Variants in DTX4 observed in about 807,000 individuals in gnomAD.
DTX4 encodes deltex E3 ubiquitin ligase 4, also known as E3 ubiquitin-protein ligase DTX4.
In DTX4, 28 loss-of-function variants were observed where a neutral mutation model predicts 57.6. The observed-to-expected ratio is 0.49, with a 90% CI of 0.36 to 0.67. The LOEUF (loss-of-function observed/expected upper bound fraction) is 0.67, where lower values mean the gene tolerates loss of function less well. DTX4 is among the 30% of genes least tolerant of loss of function. The pLI, the probability that DTX4 is intolerant of heterozygous loss-of-function variation, is 0.00. For missense variants in DTX4, 715 were observed against 836.8 expected (o/e 0.85, Z 1.80); for synonymous variants, 316 against 331.0 (o/e 0.95, Z 0.49).
rs1339517480 is a variant in DTX4 at position 59,172,700 on chromosome 11, C to T, written c.105C>T (p.Arg35=). Residue 35 remains arginine (R), a synonymous_variant, in exon 1 of 9, where the codon CGC becomes CGT. Coordinates refer to ENST00000227451, the MANE Select transcript of DTX4 (RefSeq NM_015177.2). ...AVSHHIEAVV[R]AGPRAGGSVV... Reference sequence around the variant, plus strand: ...GCCACCACATCGAGGCGGTGGTCCGCGCCGGCCCCCGCGCGGGGGGCAGCG... The same window carrying T: ...GCCACCACATCGAGGCGGTGGTCCGTGCCGGCCCCCGCGCGGGGGGCAGCG... 2 of 1,600,984 alleles carry T rather than the reference C, an allele frequency of 1.2e-6. No individual in the cohort carries two copies. Among genetic ancestry groups the T allele is most frequent in the African/African-American group, 2.7e-5 (2 of 74,518 alleles).
In DTX4 at chr11:59,172,179, G is replaced by C. The variant is rs1343717338; in HGVS notation, c.-417G>C. Among the ~76,000 whole-genome samples the C allele has an allele frequency of 6.6e-6, 1 of 152,246 alleles. No individual in the cohort carries two copies. The highest frequency in any genetic ancestry group is 3.4e-3 in the Middle Eastern group (1 of 292). ...GAGATCCCACCCCGGCGTCTGCAGA[G>C]GCCGAGGCGCAACTGGTGCGAGGGC... On this transcript the variant is annotated 5_prime_UTR_variant, in exon 1 of 9. Transcript: ENST00000227451.
At chr11:59,173,447 G>A (rs778621614) in intron 1 of DTX4, among the ~76,000 whole-genome samples, 12 of 152,228 alleles carry the variant, frequency 7.9e-5, no homozygotes, top group Admixed American at 5.9e-4. Flanking sequence ...CCGCGGCATT[G>A]GCGAATGCCT....
At chr11:59,175,765 C>A (rs1191390507) in intron 1 of DTX4, among the ~76,000 whole-genome samples, 1 of 152,120 alleles carries the variant, frequency 6.6e-6, no homozygotes, top group Non-Finnish European at 1.5e-5. Flanking sequence ...CTGACCCTAC[C>A]AACTCCAGGT....
At chr11:59,199,015 G>A (rs1420963977) in intron 7 of DTX4, among the ~76,000 whole-genome samples, 2 of 152,170 alleles carry the variant, frequency 1.3e-5, no homozygotes, top group African/African-American at 2.4e-5. Context: ...GTATTGGGTG[G>A]CAATAGTTGA....
intron 3 of DTX4, 133 bp from the exon 4 acceptor site, chr11:59,189,029 G>A (rs922719880): frequency 7.0e-6 from 8 of 1,141,544 alleles, no homozygotes; most frequent in Middle Eastern, 2.7e-4. Context: ...GGAAAGTACA[G>A]GGTAGAGAAT....
chr11:59,197,949 G>A (rs1054357983), intron 7 of DTX4, among the ~76,000 whole-genome samples: 14 of 152,162 alleles, frequency 9.2e-5, no homozygotes, highest in Admixed American at 3.9e-4. Context: ...CTGCCTTGAC[G>A]GGTACCACGG....
chr11:59,187,462 C>G (rs575076635), intron 2 of DTX4, among the ~76,000 whole-genome samples: 1 of 152,354 alleles, frequency 6.6e-6, no homozygotes, highest in East Asian at 1.9e-4. Flanking sequence ...GAAGAAGGGC[C>G]ATGAGCCATG....
intron 2 of DTX4, among the ~76,000 whole-genome samples, chr11:59,186,090 A>AC (rs1411875192): frequency 6.7e-6 from 1 of 149,604 alleles, no homozygotes; most frequent in Non-Finnish European, 1.5e-5. Flanking sequence ...TTCTCCCCAG[A>AC]CCCCTCCTTC....
intron 7 of DTX4, among the ~76,000 whole-genome samples, chr11:59,197,393 A>C (rs1347972102): frequency 3.3e-5 from 5 of 152,092 alleles, no homozygotes; most frequent in Non-Finnish European, 2.9e-5. Flanking sequence ...GAAGGGTTTA[A>C]TTTGGGGCTC....
intron 1 of DTX4, among the ~76,000 whole-genome samples, chr11:59,181,008 C>G (rs1862455890): frequency 6.6e-6 from 1 of 151,700 alleles, no homozygotes; most frequent in Non-Finnish European, 1.5e-5. Context: ...ACCTGATTTC[C>G]CTTCTTCTCA....
At position 59,206,750 on chromosome 11, in the gene DTX4, G is replaced by A. The variant is rs1862816251; in HGVS notation, c.*1841G>A. On this transcript the variant is annotated 3_prime_UTR_variant, in exon 9 of 9. Transcript: ENST00000227451. ...CACCTGCCTGTCACCCAGTTCTGTGGATGTGCTGGTGCTGAGCCTTTGCTC... is the reference window on the plus strand; with the variant it reads ...CACCTGCCTGTCACCCAGTTCTGTGAATGTGCTGGTGCTGAGCCTTTGCTC... The A allele has an allele frequency of 6.6e-6, 1 of 152,586 alleles. No homozygotes were observed. Among genetic ancestry groups the A allele is most frequent in the South Asian group, 2.1e-4 (1 of 4,828 alleles). The allele number at this position is 152,586 out of a possible 1,614,324, so 9.5% of individuals were successfully genotyped here.
At chr11:59,189,084 T>G (rs1486875548) in intron 3 of DTX4, 78 bp from the exon 4 acceptor site, 2 of 1,542,686 alleles carry the variant, frequency 1.3e-6, no homozygotes, top group Non-Finnish European at 1.8e-6. Context: ...GAGAGTAGGT[T>G]AATGGGGAAA....
At chr11:59,178,671 C>A (rs1195070651) in intron 1 of DTX4, among the ~76,000 whole-genome samples, 1 of 152,196 alleles carries the variant, frequency 6.6e-6, no homozygotes, top group Non-Finnish European at 1.5e-5. Context: ...AAAAATGTTG[C>A]TGAAACATTG....
intron 8 of DTX4, among the ~76,000 whole-genome samples, chr11:59,200,513 G>A (rs371228713): frequency 2.6e-5 from 4 of 152,204 alleles, no homozygotes; most frequent in Non-Finnish European, 2.9e-5. Flanking sequence ...TCATCTTAAC[G>A]AGATGCGTAG....
chr11:59,187,670 A>G (rs1862544805), intron 2 of DTX4, among the ~76,000 whole-genome samples: 1 of 152,144 alleles, frequency 6.6e-6, no homozygotes. Context: ...GACCGGGTCC[A>G]TTAGCCTCTC....
At chr11:59,201,782 T>G (rs1206482007) in intron 8 of DTX4, among the ~76,000 whole-genome samples, 1 of 152,248 alleles carries the variant, frequency 6.6e-6, no homozygotes, top group African/African-American at 2.4e-5. Context: ...TCCCAACTGT[T>G]GGCGAAATGC....
intron 7 of DTX4, among the ~76,000 whole-genome samples, chr11:59,199,031 T>A (rs1862708821): frequency 6.6e-6 from 1 of 152,218 alleles, no homozygotes; most frequent in African/African-American, 2.4e-5. Context: ...GTTGAAATGC[T>A]GTTAGAAGAT....
chr11:59,176,083 T>A (rs930253078), intron 1 of DTX4, among the ~76,000 whole-genome samples: 2 of 152,210 alleles, frequency 1.3e-5, no homozygotes, highest in Non-Finnish European at 2.9e-5. Flanking sequence ...GCCTTCTTTA[T>A]GTCTTTTAAA....
At chr11:59,187,111 C>T (rs967661424) in intron 2 of DTX4, among the ~76,000 whole-genome samples, 2 of 152,214 alleles carry the variant, frequency 1.3e-5, no homozygotes, top group East Asian at 1.9e-4. Flanking sequence ...ATGGAGGTCC[C>T]GTTGCAGCTT....
Sources: gnomAD v4.1 joint callset for allele counts (sites outside exome capture counted in the v4.1 genomes callset) on GRCh38, gnomAD v4.1.1 for gene constraint, MANE v1.5 for transcripts, NCBI Gene and HGNC (gene_info 2026-07-23, HGNC 2026-07-21) for gene names.